The following FAM168A variants were observed in gnomAD, a reference collection of about 807,000 sequenced individuals.
FAM168A encodes protein FAM168A.
In FAM168A, 3 loss-of-function variants were observed where a neutral mutation model predicts 28.5. The observed-to-expected ratio is 0.11, with a 90% CI of 0.05 to 0.27. The LOEUF (loss-of-function observed/expected upper bound fraction) is 0.27, where lower values mean the gene tolerates loss of function less well. Ranked by LOEUF, FAM168A falls within the 10% of genes least tolerant of loss-of-function variation. The probability of loss-of-function intolerance (pLI) is 1.00; values close to 1 mark genes in which losing one functional copy is unlikely to be tolerated. For synonymous variants in FAM168A, 122 were observed against 124.2 expected, an observed-to-expected ratio of 0.98 and a Z score of 0.12; for missense variants, 222 against 311.5, an observed-to-expected ratio of 0.71 and a Z score of 2.16.
rs539818218 is a variant in FAM168A at position 73,595,803 on chromosome 11, C to A, written c.-19+2120G>T. Among the ~76,000 whole-genome samples, 4 of 152,352 alleles carry A rather than the reference C, an allele frequency of 2.6e-5. No individual in the cohort carries two copies. The South Asian group carries it at 8.3e-4, about 32-fold the overall frequency. ...CTCAATATGCTTTATTTATTCACAT[C>A]TGACAGAATTCTGATCACCTGAATT... On this transcript the variant is annotated intron_variant, in intron 1 of 7. Transcript: ENST00000356467.
chr11:73,501,064 C>T (rs1855002913), intron 1 of FAM168A, among the ~76,000 whole-genome samples: 2 of 151,004 alleles, frequency 1.3e-5, no homozygotes, highest in African/African-American at 4.9e-5. Flanking sequence ...ACAAAACAGG[C>T]TTTAAACCAA....
intron 1 of FAM168A, among the ~76,000 whole-genome samples, chr11:73,485,725 A>G (rs892296707): frequency 1.3e-5 from 2 of 152,178 alleles, no homozygotes; most frequent in African/African-American, 4.8e-5. Context: ...AATGTAATCA[A>G]TCAACCTGAA....
chr11:73,484,692 A>C (rs111484363), intron 1 of FAM168A, among the ~76,000 whole-genome samples: 12,107 of 85,308 alleles, frequency 0.14, 1,557 homozygotes, highest in African/African-American at 0.37. Flanking sequence ...CTATAGATAT[A>C]TAGATATAGA....
chr11:73,500,001 C>A (rs1001178070), intron 1 of FAM168A, among the ~76,000 whole-genome samples: 1 of 152,022 alleles, frequency 6.6e-6, no homozygotes, highest in African/African-American at 2.4e-5. Flanking sequence ...GGCCAACATG[C>A]AAATTCAGGA....
intron 2 of FAM168A, among the ~76,000 whole-genome samples, chr11:73,435,550 C>A (rs1330201638): frequency 6.6e-6 from 1 of 152,204 alleles, no homozygotes; most frequent in Non-Finnish European, 1.5e-5. Flanking sequence ...TTTCTTACTT[C>A]TTTTCTTACC....
chr11:73,588,253 A>G (rs1427619181), intron 1 of FAM168A, among the ~76,000 whole-genome samples: 2 of 152,206 alleles, frequency 1.3e-5, no homozygotes, highest in African/African-American at 4.8e-5. Context: ...ACAATGTGAG[A>G]CTGTCACTTC....
At chr11:73,447,374 C>T (rs929373095) in intron 2 of FAM168A, among the ~76,000 whole-genome samples, 1 of 151,508 alleles carries the variant, frequency 6.6e-6, no homozygotes, top group Non-Finnish European at 1.5e-5. Context: ...CATAGCAAGA[C>T]CTCATCTCTA....
chr11:73,449,591 C>G (rs1186320424), intron 2 of FAM168A, among the ~76,000 whole-genome samples: 1 of 152,210 alleles, frequency 6.6e-6, no homozygotes, highest in Non-Finnish European at 1.5e-5. Context: ...GCCCTCTTGT[C>G]TGCATTTCAA....
intron 2 of FAM168A, among the ~76,000 whole-genome samples, chr11:73,441,350 C>G (rs1478529547): frequency 6.6e-6 from 1 of 152,192 alleles, no homozygotes; most frequent in Non-Finnish European, 1.5e-5. Flanking sequence ...AGCCACCACA[C>G]CCAGTCTAGG....
chr11:73,589,354 A>G (rs555856423), intron 1 of FAM168A, among the ~76,000 whole-genome samples: 26 of 152,224 alleles, frequency 1.7e-4, no homozygotes, highest in Non-Finnish European at 3.4e-4. Context: ...GTACAAGGCA[A>G]TGAACCTTAA....
intron 4 of FAM168A, among the ~76,000 whole-genome samples, chr11:73,419,024 A>C (rs1441826864): frequency 6.6e-6 from 1 of 152,004 alleles, no homozygotes; most frequent in Admixed American, 6.6e-5. Context: ...GTTAGCCAGG[A>C]TGGTCTCAAT....
intron 1 of FAM168A, among the ~76,000 whole-genome samples, chr11:73,515,508 CAAA>C (rs61655633): frequency 4.5e-5 from 3 of 66,490 alleles, no homozygotes; most frequent in Admixed American, 1.9e-4. Context: ...AACTCTGTCT[CAAA>C]AAAAAAAAAA....
At chr11:73,481,851 T>C (rs1475459681) in intron 1 of FAM168A, among the ~76,000 whole-genome samples, 1 of 152,222 alleles carries the variant, frequency 6.6e-6, no homozygotes, top group Non-Finnish European at 1.5e-5. Flanking sequence ...TAGAGCCTTC[T>C]GGGAGGTCTT....
chr11:73,410,771 T>C (rs1565233099), intron 5 of FAM168A: 3 of 152,266 alleles, frequency 2.0e-5, no homozygotes, highest in Non-Finnish European at 2.9e-5. Context: ...ATGTTTCCTA[T>C]AGAGTCACTC....
In FAM168A at chr11:73,468,396, A is replaced by C. The variant is rs1273465074; in HGVS notation, c.70+9T>G. On this transcript the variant is annotated intron_variant, in intron 2 of 7. Coordinates refer to ENST00000356467, the MANE Select transcript of FAM168A (RefSeq NM_015159.3). ...TTCTCAAAATGAGAGCCATTCTCAC[A>C]CTACTCACCCGTGTAGGCCATGTTC... The C allele has an allele frequency of 1.2e-6, 2 of 1,612,980 alleles. No individual in the cohort carries two copies. Among genetic ancestry groups the C allele is most frequent in the East Asian group, 2.2e-5 (1 of 44,868 alleles).
intron 1 of FAM168A, among the ~76,000 whole-genome samples, chr11:73,544,940 G>A (rs60951349): frequency 4.3e-4 from 31 of 71,976 alleles, no homozygotes; most frequent in African/African-American, 2.0e-3. Context: ...AATATATTAT[G>A]TAATATATAA....
chr11:73,574,146 T>A (rs1404387595), intron 1 of FAM168A, among the ~76,000 whole-genome samples: 1 of 152,162 alleles, frequency 6.6e-6, no homozygotes, highest in African/African-American at 2.4e-5. Context: ...ATTAATTCTC[T>A]AAGCCCCACT....
intron 1 of FAM168A, among the ~76,000 whole-genome samples, chr11:73,547,282 C>A (rs2134687591): frequency 6.6e-6 from 1 of 151,382 alleles, no homozygotes; most frequent in South Asian, 2.1e-4. Context: ...GAAATGCAAT[C>A]CAAACCATAA....
chr11:73,440,121 A>G (rs1221715931), intron 2 of FAM168A, among the ~76,000 whole-genome samples: 1 of 151,946 alleles, frequency 6.6e-6, no homozygotes, highest in African/African-American at 2.4e-5. Flanking sequence ...CCTGGCCTCA[A>G]GTGATCTGCC....
Sources: gnomAD v4.1 joint callset for allele counts (sites outside exome capture counted in the v4.1 genomes callset) on GRCh38, gnomAD v4.1.1 for gene constraint, MANE v1.5 for transcripts, NCBI Gene and HGNC (gene_info 2026-07-23, HGNC 2026-07-21) for gene names.